The following CDK12 variants were observed in gnomAD, a reference collection of about 807,000 sequenced individuals.
CDK12 encodes cyclin-dependent kinase 12.
CDK12 carries 17 observed loss-of-function variants against 133.8 expected under a neutral mutation model. The ratio of observed to expected loss-of-function variants is 0.13; its 90% confidence interval spans 0.09 to 0.19. CDK12 has a LOEUF of 0.19. Ranked by LOEUF, CDK12 falls within the 10% of genes least tolerant of loss-of-function variation. The pLI is 1.00. For synonymous variants in CDK12, 694 were observed against 683.6 expected (o/e 1.02, Z -0.24); for missense variants, 1,508 against 1,818.7 (o/e 0.83, Z 3.11).
At chr17:39,503,169 TTCAAGC>T (rs2052850878) in intron 6 of CDK12, among the ~76,000 whole-genome samples, 2 of 152,174 alleles carry the variant, frequency 1.3e-5, no homozygotes, top group South Asian at 4.1e-4. Context: ...AACTCCTGGG[TTCAAGC>T]GATGCTCCTG....
upstream of CDK12, chr17:39,544,129 G>C (rs2055555698): frequency 1.3e-5 from 6 of 460,014 alleles, no homozygotes; most frequent in Non-Finnish European, 2.6e-5. Flanking sequence ...TTAGAAGAGT[G>C]CTAACATCAC....
intron 2 of CDK12, among the ~76,000 whole-genome samples, chr17:39,551,604 A>G (rs1301758590): frequency 2.0e-5 from 3 of 152,228 alleles, no homozygotes; most frequent in Non-Finnish European, 4.4e-5. Flanking sequence ...CCCATGGCAA[A>G]GCCTAGAACA....
chr17:39,537,516 A>C (rs2055185932), downstream of CDK12, among the ~76,000 whole-genome samples: 1 of 151,940 alleles, frequency 6.6e-6, no homozygotes, highest in South Asian at 2.1e-4. Flanking sequence ...GCTGGGCTGC[A>C]GAAAGAGACT....
chr17:39,528,358 G>A (rs559420110), intron 13 of CDK12, among the ~76,000 whole-genome samples: 2 of 152,046 alleles, frequency 1.3e-5, no homozygotes, highest in South Asian at 4.1e-4. Context: ...TTTTGAGATG[G>A]AGTCTCGCTC....
intron 5 of CDK12, among the ~76,000 whole-genome samples, chr17:39,499,215 T>C (rs1440490140): frequency 9.5e-6 from 1 of 104,888 alleles, no homozygotes; most frequent in Non-Finnish European, 1.9e-5. Flanking sequence ...TTCCTTTTTT[T>C]TTTTTTTTTG....
intron 1 of CDK12, among the ~76,000 whole-genome samples, chr17:39,466,563 G>A (rs1268117390): frequency 2.2e-5 from 3 of 135,896 alleles, no homozygotes; most frequent in Non-Finnish European, 3.1e-5. Context: ...GAGGTGAGCC[G>A]CGATTGCAAT....
intron 6 of CDK12, among the ~76,000 whole-genome samples, chr17:39,505,660 T>C (rs2146251629): frequency 6.6e-6 from 1 of 152,358 alleles, no homozygotes; most frequent in Admixed American, 6.5e-5. Flanking sequence ...ACATGCTTTT[T>C]ATGTACCATT....
chr17:39,489,362 G>A (rs2051395639), intron 2 of CDK12, among the ~76,000 whole-genome samples: 1 of 151,892 alleles, frequency 6.6e-6, no homozygotes, highest in Non-Finnish European at 1.5e-5. Context: ...GAGCCACCGT[G>A]CCTGGCCAGT....
Position 39,516,753 on chromosome 17 carries a change from C to G in CDK12, c.2847-687C>G, listed in dbSNP as rs551804374. Among the ~76,000 whole-genome samples, 106 of 150,646 alleles carry G rather than the reference C, an allele frequency of 7.0e-4. No individual in the cohort carries two copies. In the Admixed American group the frequency reaches 7.0e-3, roughly 10 times the overall value. Reference sequence around the variant, plus strand: ...TCTTGGCTCACTGCAAGCTCCACCTCCCAGGTTCAAGCCATTCTCCTGCCT... The same window carrying G: ...TCTTGGCTCACTGCAAGCTCCACCTGCCAGGTTCAAGCCATTCTCCTGCCT... On this transcript the variant is annotated intron_variant, in intron 9 of 13. Transcript: ENST00000447079.
chr17:39,566,212 G>C (rs1468854507), downstream of CDK12, among the ~76,000 whole-genome samples: 1 of 152,138 alleles, frequency 6.6e-6, no homozygotes, highest in East Asian at 1.9e-4. Flanking sequence ...GAAAAGGTCT[G>C]ATTGCTAGGG....
intron 10 of CDK12, among the ~76,000 whole-genome samples, chr17:39,519,446 C>T (rs564863129): frequency 2.0e-5 from 3 of 150,970 alleles, no homozygotes; most frequent in Admixed American, 6.6e-5. Flanking sequence ...GAATTACAGG[C>T]GTGCATCACC....
chr17:39,524,951 G>A, intron 12 of CDK12, 66 bp downstream of exon 12: 38 of 1,392,628 alleles, frequency 2.7e-5, no homozygotes, highest in South Asian at 6.5e-5. Context: ...AAGGTCAAGT[G>A]TAAGGAGTTT....
chr17:39,530,842 T>C lies in CDK12; in HGVS notation c.3999T>C (p.Arg1333=). ...LRPMEYSTRP[R]PNRTYGNTDG... ...CAATGGAGTACTCCACCCGACCCCG[T>C]CCAAACAGGACTTATGGAAACACTG... Residue 1333 remains arginine (R), a synonymous_variant, in exon 14 of 14, where the codon CGT becomes CGC. Coordinates refer to ENST00000447079, the MANE Select transcript of CDK12 (RefSeq NM_016507.4). The C allele has an allele frequency of 6.2e-7, 1 of 1,614,064 alleles. No individual in the cohort carries two copies. The highest frequency in any genetic ancestry group is 8.5e-7 in the Non-Finnish European group (1 of 1,180,000).
At chr17:39,536,902 A>G (rs894679965), downstream of CDK12, among the ~76,000 whole-genome samples, 3 of 152,252 alleles carry the variant, frequency 2.0e-5, no homozygotes, top group African/African-American at 7.2e-5. Context: ...AGGTATAGCC[A>G]TGAAATAAAT....
At chr17:39,513,758 T>C (rs2053628831) in intron 8 of CDK12, among the ~76,000 whole-genome samples, 1 of 152,228 alleles carries the variant, frequency 6.6e-6, no homozygotes, top group Admixed American at 6.5e-5. Context: ...CAGTGGCTCA[T>C]TGAATTAAGA....
chr17:39,503,538 C>T (rs1033878288), intron 6 of CDK12, among the ~76,000 whole-genome samples: 1 of 151,722 alleles, frequency 6.6e-6, no homozygotes, highest in Non-Finnish European at 1.5e-5. Context: ...CCCTTTACTC[C>T]TCCATGAGGA....
At chr17:39,485,707 T>A (rs2051071324) in intron 2 of CDK12, among the ~76,000 whole-genome samples, 1 of 150,296 alleles carries the variant, frequency 6.7e-6, no homozygotes, top group Non-Finnish European at 1.5e-5. Context: ...CCACTGTGCC[T>A]GGCCCCTGTC....
intron 8 of CDK12, among the ~76,000 whole-genome samples, chr17:39,513,992 C>T (rs940710551): frequency 6.6e-6 from 1 of 152,070 alleles, no homozygotes; most frequent in Admixed American, 6.6e-5. Flanking sequence ...TGATTTTACC[C>T]GCTGTGACGA....
chr17:39,533,074 T>TA lies in CDK12; in HGVS notation c.*1770dup, dbSNP rs11407879. On this transcript the variant is annotated 3_prime_UTR_variant, in exon 14 of 14. Transcript: ENST00000447079. ...ACTTATAAGAGAAAGGTGCATTACT[T>TA]AAAAAAAAAAAACTTTAAAGAAATG... 125,729 of 214,382 alleles carry TA rather than the reference T, an allele frequency of 0.59. 33,185 individuals carry two copies. The highest frequency in any genetic ancestry group is 0.85 in the South Asian group (4,477 of 5,288). 13.3% of individuals were successfully genotyped at this position (214,382 alleles called of 1,614,324 possible). A position where few individuals can be genotyped will look rare whatever the true frequency, so the allele number is the denominator to read the frequency against.
Sources: gnomAD v4.1 joint callset for allele counts (sites outside exome capture counted in the v4.1 genomes callset) on GRCh38, gnomAD v4.1.1 for gene constraint, MANE v1.5 for transcripts, NCBI Gene and HGNC (gene_info 2026-07-23, HGNC 2026-07-21) for gene names.